Variants in DERA observed in about 807,000 individuals in gnomAD.
The protein encoded by DERA is deoxyribose-phosphate aldolase.
DERA carries 15 observed loss-of-function variants against 41.1 expected under a neutral mutation model. The observed-to-expected ratio is 0.37, with a 90% CI of 0.24 to 0.56. DERA has a LOEUF of 0.56. Among genes scored for constraint, DERA ranks in the 20% least tolerant of loss-of-function variants. DERA has a pLI of 0.81. For synonymous variants in DERA, 139 were observed against 137.4 expected (o/e 1.01, Z -0.08); for missense variants, 396 against 403.4 (o/e 0.98, Z 0.16).
chr12:16,033,188 G>A (rs971651869), intron 7 of DERA: 5 of 152,482 alleles, frequency 3.3e-5, no homozygotes, highest in Non-Finnish European at 7.3e-5. Flanking sequence ...GGAAACCCCC[G>A]GTCCAGAAAA....
chr12:15,923,061 C>T (rs1437779702), intron 1 of DERA, among the ~76,000 whole-genome samples: 4 of 119,842 alleles, frequency 3.3e-5, no homozygotes, highest in African/African-American at 6.4e-5. Context: ...CTCGCTCTGT[C>T]GCCCAGGCTG....
At chr12:15,925,889 A>G (rs1243905889) in intron 1 of DERA, among the ~76,000 whole-genome samples, 1 of 132,778 alleles carries the variant, frequency 7.5e-6, no homozygotes, top group Non-Finnish European at 1.5e-5. Context: ...GTACAATGGC[A>G]CGATCTCGGC....
Position 15,941,495 on chromosome 12 carries a change from C to G in DERA, c.32-15441C>G, listed in dbSNP as rs1170091032. On this transcript the variant is annotated intron_variant, in intron 1 of 8. Transcript: ENST00000428559. The surrounding 1 kb of genome is among the most constrained non-coding windows in gnomAD (Gnocchi z 4.5). ...CATCACCCTAGCAATGTACGCTGTACCTAATATGTAGTCTTTTATTCCTCA... is the reference window on the plus strand; with the variant it reads ...CATCACCCTAGCAATGTACGCTGTAGCTAATATGTAGTCTTTTATTCCTCA... Among the ~76,000 whole-genome samples the G allele has an allele frequency of 6.6e-6, 1 of 152,072 alleles. No homozygotes were observed. Among genetic ancestry groups the G allele is most frequent in the Non-Finnish European group, 1.5e-5 (1 of 68,014 alleles).
intron 6 of DERA, among the ~76,000 whole-genome samples, chr12:16,005,145 G>A (rs1002020233): frequency 2.0e-5 from 3 of 152,110 alleles, no homozygotes; most frequent in Non-Finnish European, 4.4e-5. Flanking sequence ...AAGAGTTACC[G>A]TCAGAGTTGA....
At chr12:15,960,656 A>AAAC (rs1173890692) in intron 4 of DERA, among the ~76,000 whole-genome samples, 2 of 150,924 alleles carry the variant, frequency 1.3e-5, no homozygotes, top group Non-Finnish European at 1.5e-5. Context: ...AAAAAAAAAA[A>AAAC]AAAAAAACAA....
rs566804020 is a variant in DERA, at chr12:15,983,170, T to A, written c.637+734T>A. On this transcript the variant is annotated intron_variant, in intron 6 of 8. Coordinates refer to ENST00000428559, the MANE Select transcript of DERA (RefSeq NM_015954.4). This position sits in a 1 kb window ranked among gnomAD's most constrained non-coding sequence, Gnocchi z 6.2. ...TGACTTTTGTTCCCCTCCAATCTGT[T>A]CTCCACACTGTCACCACAATTTTTT... Among the ~76,000 whole-genome samples, 2 of 152,284 alleles carry A rather than the reference T, an allele frequency of 1.3e-5. No homozygotes were observed. The highest frequency in any genetic ancestry group is 3.9e-4 in the East Asian group (2 of 5,166).
At chr12:16,023,756 C>T (rs961278475) in intron 6 of DERA, among the ~76,000 whole-genome samples, 2 of 152,102 alleles carry the variant, frequency 1.3e-5, no homozygotes, top group Non-Finnish European at 2.9e-5. Flanking sequence ...GGATTACAGG[C>T]GTGAGCCACC....
chr12:15,961,300 TGTATATGGATGGATGA>T, intron 4 of DERA, among the ~76,000 whole-genome samples: 2 of 152,190 alleles, frequency 1.3e-5, no homozygotes, highest in South Asian at 4.1e-4. Flanking sequence ...TGTATCTGTG[TGTATATGGATGGATGA>T]ATAGACAGAT....
intron 6 of DERA, among the ~76,000 whole-genome samples, chr12:15,997,856 A>G (rs963434364): frequency 2.0e-5 from 3 of 152,206 alleles, no homozygotes; most frequent in African/African-American, 7.2e-5. Flanking sequence ...GTACATTGTC[A>G]GATATAAGCC....
At position 16,008,459 on chromosome 12, in the gene DERA, G is replaced by A. The variant is rs138553733; in HGVS notation, c.638-24083G>A. Reference sequence around the variant, plus strand: ...GTGTCTTAGGGGTGTCAGCTGCACAGAGCAGAGTGTGTGAGGGAAGGATAA... The same window carrying A: ...GTGTCTTAGGGGTGTCAGCTGCACAAAGCAGAGTGTGTGAGGGAAGGATAA... On this transcript the variant is annotated intron_variant, in intron 6 of 8. Coordinates refer to ENST00000428559, the MANE Select transcript of DERA (RefSeq NM_015954.4). This position sits in a 1 kb window ranked among gnomAD's most constrained non-coding sequence, Gnocchi z 4.8. Among the ~76,000 whole-genome samples, 1 of 152,214 alleles carries A rather than the reference G, an allele frequency of 6.6e-6. No homozygotes were observed. The highest frequency in any genetic ancestry group is 1.5e-5 in the Non-Finnish European group (1 of 68,034).
intron 1 of DERA, among the ~76,000 whole-genome samples, chr12:15,919,670 T>G (rs371731716): frequency 2.0e-5 from 3 of 152,236 alleles, no homozygotes; most frequent in Admixed American, 1.3e-4. Context: ...ATGTTTAATC[T>G]TGGCTCCAGC....
At position 15,965,383 on chromosome 12, in the gene DERA, A is replaced by G. The variant is rs572815809; in HGVS notation, c.508+2436A>G. 2.6e-5 allele frequency among the ~76,000 whole-genome samples: 4 copies of G among 152,276 alleles called. No individual in the cohort carries two copies. The highest frequency in any genetic ancestry group is 3.4e-3 in the Middle Eastern group (1 of 294). ...TGTGCCATGGTGGTTTGCTGCACCTATCAACCCATCACCTAGGTAGGTATT... is the reference window on the plus strand; with the variant it reads ...TGTGCCATGGTGGTTTGCTGCACCTGTCAACCCATCACCTAGGTAGGTATT... On this transcript the variant is annotated intron_variant, in intron 5 of 8. Coordinates refer to ENST00000428559, the MANE Select transcript of DERA (RefSeq NM_015954.4). The surrounding 1 kb of genome is among the most constrained non-coding windows in gnomAD (Gnocchi z 4.1).
At chr12:15,962,330 T>G (rs892507549) in intron 4 of DERA, among the ~76,000 whole-genome samples, 4 of 152,186 alleles carry the variant, frequency 2.6e-5, no homozygotes, top group Non-Finnish European at 5.9e-5. Context: ...TAGGACAGTT[T>G]GTTTACCACA....
rs1006734478 is a variant in DERA, at chr12:15,985,062, A to G, written c.637+2626A>G. ...GTGTGATGAGTTTGGCAGTTTGCAA[A>G]CACCTGTAACCACTACTCCCTTCAA... is the stretch of plus-strand genomic sequence containing the variant. On this transcript the variant is annotated intron_variant, in intron 6 of 8. Coordinates refer to ENST00000428559, the MANE Select transcript of DERA (RefSeq NM_015954.4). The surrounding 1 kb of genome is among the most constrained non-coding windows in gnomAD (Gnocchi z 4.2). The G allele has an allele frequency of 6.6e-6, 1 of 152,194 alleles. No homozygotes were observed. The highest frequency in any genetic ancestry group is 1.5e-5 in the Non-Finnish European group (1 of 68,030). 9.4% of individuals were successfully genotyped at this position (152,194 alleles called of 1,614,324 possible).
intron 1 of DERA, among the ~76,000 whole-genome samples, chr12:15,926,508 G>A (rs1948284745): frequency 1.3e-5 from 2 of 151,856 alleles, no homozygotes; most frequent in Non-Finnish European, 2.9e-5. Context: ...AGGCCGAGGC[G>A]GGCGGATCAC....
chr12:16,025,308 A>C (rs1165460913), intron 6 of DERA, among the ~76,000 whole-genome samples: 1 of 152,182 alleles, frequency 6.6e-6, no homozygotes, highest in Non-Finnish European at 1.5e-5. Flanking sequence ...GTCTGTAAGA[A>C]AGCCACTTTA....
Position 16,021,678 on chromosome 12 carries a change from T to C in DERA, c.638-10864T>C, listed in dbSNP as rs1949017893. 6.6e-6 allele frequency among the ~76,000 whole-genome samples: 1 copy of C among 152,204 alleles called. No individual in the cohort carries two copies. Among genetic ancestry groups the C allele is most frequent in the Non-Finnish European group, 1.5e-5 (1 of 68,026 alleles). On this transcript the variant is annotated intron_variant, in intron 6 of 8. Coordinates refer to ENST00000428559, the MANE Select transcript of DERA (RefSeq NM_015954.4). This position sits in a 1 kb window ranked among gnomAD's most constrained non-coding sequence, Gnocchi z 5.3. ...CTTAGGAGCCCACCTCTTTCACCAG[T>C]GTGCCCTGGATGCAGGACATGGAGT...
chr12:15,973,994 CT>C (rs1442740312), intron 5 of DERA, among the ~76,000 whole-genome samples: 5 of 152,266 alleles, frequency 3.3e-5, no homozygotes, highest in African/African-American at 9.6e-5. Flanking sequence ...AGTTTTATCA[CT>C]GAGATTCTCC....
rs962476522 is a variant in DERA at position 15,985,336 on chromosome 12, T to C, written c.637+2900T>C. The C allele has an allele frequency of 6.6e-6, 1 of 152,244 alleles. No individual in the cohort carries two copies. Among genetic ancestry groups the C allele is most frequent in the Admixed American group, 6.5e-5 (1 of 15,282 alleles). 9.4% of individuals were successfully genotyped at this position (152,244 alleles called of 1,614,324 possible). ...GAGTTTGCCTAGAAGTATTTCACTG[T>C]GTAAGTATACTGAGTTGCTAAAATT... On this transcript the variant is annotated intron_variant, in intron 6 of 8. Transcript: ENST00000428559. The surrounding 1 kb of genome is among the most constrained non-coding windows in gnomAD (Gnocchi z 4.2).
Sources: gnomAD v4.1 joint callset for allele counts (sites outside exome capture counted in the v4.1 genomes callset) on GRCh38, gnomAD v4.1.1 for gene constraint, Gnocchi (gnomAD v3.1) non-coding constraint, MANE v1.5 for transcripts, NCBI Gene and HGNC (gene_info 2026-07-23, HGNC 2026-07-21) for gene names.